PCDH17: variants seen among roughly 807,000 people sequenced by gnomAD.
The protein encoded by PCDH17 is protocadherin-17.
PCDH17 carries 21 observed loss-of-function variants against 67.7 expected under a neutral mutation model. That is an observed-to-expected ratio of 0.31 (90% CI 0.22 to 0.45). PCDH17 has a LOEUF of 0.45. PCDH17 is among the 20% of genes least tolerant of loss of function. The probability of loss-of-function intolerance (pLI) is 1.00; values close to 1 mark genes in which losing one functional copy is unlikely to be tolerated. For missense variants in PCDH17, 1,471 were observed against 1,564.8 expected (o/e 0.94, Z 1.01); for synonymous variants, 701 against 656.7 (o/e 1.07, Z -1.03).
chr13:57,641,578 AAAAAAAAAAATATATATATATATAT>A (rs1954900462), intron 1 of PCDH17, among the ~76,000 whole-genome samples: 1 of 84,842 alleles, frequency 1.2e-5, no homozygotes, highest in African/African-American at 5.0e-5. Context: ...AAAAAAAAAA[AAAAAAAAAAATATATATATATATAT>A]ATATATATAT....
rs993700278 is a variant in PCDH17 at position 57,725,550 on chromosome 13, A to G, written c.*256A>G. 5 of 388,224 alleles carry G rather than the reference A, an allele frequency of 1.3e-5. No individual in the cohort carries two copies. The highest frequency in any genetic ancestry group is 8.3e-5 in the Admixed American group (2 of 23,964). 24.0% of individuals were successfully genotyped at this position (388,224 alleles called of 1,614,324 possible). On this transcript the variant is annotated 3_prime_UTR_variant, in exon 4 of 4. Coordinates refer to ENST00000377918, the MANE Select transcript of PCDH17 (RefSeq NM_001040429.3). Reference sequence around the variant, plus strand: ...ATGCTTAAAGAGAAAAGAAAAAAAGAGAGAAGAAAAAGGAGAGATGAAAAA... The same window carrying G: ...ATGCTTAAAGAGAAAAGAAAAAAAGGGAGAAGAAAAAGGAGAGATGAAAAA...
chr13:57,676,032 A>T (rs1242219609), intron 3 of PCDH17, among the ~76,000 whole-genome samples: 1 of 151,928 alleles, frequency 6.6e-6, no homozygotes, highest in Non-Finnish European at 1.5e-5. Context: ...AGTTTTTGGG[A>T]TAAGAAATTC....
chr13:57,663,569 A>T (rs1039811461), intron 1 of PCDH17, among the ~76,000 whole-genome samples: 6 of 152,108 alleles, frequency 3.9e-5, no homozygotes, highest in African/African-American at 1.4e-4. Flanking sequence ...AGACCCTTGG[A>T]GTCTAGATAA....
At chr13:57,711,726 A>C (rs2138090111) in intron 3 of PCDH17, among the ~76,000 whole-genome samples, 1 of 151,698 alleles carries the variant, frequency 6.6e-6, no homozygotes, top group East Asian at 1.9e-4. Context: ...TGATTATTAT[A>C]AAATTACTAT....
intron 3 of PCDH17, among the ~76,000 whole-genome samples, chr13:57,718,190 A>AT (rs1040956017): frequency 4.6e-5 from 7 of 152,084 alleles, no homozygotes; most frequent in Admixed American, 3.9e-4. Context: ...TCCGATTAAC[A>AT]TTTTTTCTTA....
chr13:57,651,629 T>C (rs1003255025), intron 1 of PCDH17, among the ~76,000 whole-genome samples: 1 of 152,058 alleles, frequency 6.6e-6, no homozygotes, highest in Non-Finnish European at 1.5e-5. Context: ...TGAACCACAA[T>C]GCCTGGGATT....
At chr13:57,654,594 T>G (rs556009104) in intron 1 of PCDH17, among the ~76,000 whole-genome samples, 1 of 152,060 alleles carries the variant, frequency 6.6e-6, no homozygotes, top group Non-Finnish European at 1.5e-5. Flanking sequence ...GAAATTAAAA[T>G]CTTTAAGCAA....
In PCDH17 at chr13:57,631,959, C is replaced by G. The variant is rs1954728589; in HGVS notation, c.-588C>G. ...GGGAAGCTTCAAAATATATCTGTGA[C>G]TCTGTCTTCGTTGCTCTTCATCCCC... On this transcript the variant is annotated 5_prime_UTR_variant, in exon 1 of 4. Transcript: ENST00000377918. The G allele has an allele frequency of 6.5e-6, 1 of 153,984 alleles. No individual in the cohort carries two copies. The highest frequency in any genetic ancestry group is 1.4e-5 in the Non-Finnish European group (1 of 69,530). 9.5% of individuals were successfully genotyped at this position (153,984 alleles called of 1,614,324 possible).
At chr13:57,668,053 T>C (rs903591348) in intron 3 of PCDH17, among the ~76,000 whole-genome samples, 1 of 151,762 alleles carries the variant, frequency 6.6e-6, no homozygotes, top group Non-Finnish European at 1.5e-5. Context: ...TCTTTTACCA[T>C]AGCAACTTTC....
chr13:57,702,495 A>G (rs966670413), intron 3 of PCDH17, among the ~76,000 whole-genome samples: 3 of 152,132 alleles, frequency 2.0e-5, no homozygotes, highest in Admixed American at 1.3e-4. Context: ...TAGAACACCT[A>G]CAGTAAAACT....
chr13:57,633,273 T>C lies in PCDH17; in HGVS notation c.727T>C (p.Phe243Leu). 3 of 1,613,288 alleles carry C rather than the reference T, an allele frequency of 1.9e-6. No homozygotes were observed. The highest frequency in any genetic ancestry group is 2.5e-6 in the Non-Finnish European group (3 of 1,180,020). Residue 243 changes from phenylalanine to leucine, a missense_variant, in exon 1 of 4, where the codon TTC becomes CTC. Transcript: ENST00000377918. This position sits in a 1 kb window ranked among gnomAD's most constrained non-coding sequence, Gnocchi z 6.2. The part of the protein sequence containing the change: ...VIDSNDNSPV[F>L]EAPSYLVELP... ...TGACTCCAACGACAACAGCCCGGTC[T>C]TCGAGGCGCCATCCTACTTGGTGGA...
intron 3 of PCDH17, among the ~76,000 whole-genome samples, chr13:57,690,952 T>G (rs1250906444): frequency 6.6e-6 from 1 of 151,458 alleles, no homozygotes; most frequent in Non-Finnish European, 1.5e-5. Context: ...AAATGCAGTA[T>G]CAACATTTTG....
chr13:57,634,915 C>G lies in PCDH17; in HGVS notation c.2369C>G (p.Ser790Cys). The change falls in exon 1 of 4, where the codon TCC becomes TGC. Residue 790 changes from serine to cysteine, a missense_variant. Physicochemically the swap from Ser to Cys is moderately radical, Grantham distance 112. Around this residue, in one of 3 missense-constraint regions of PCDH17, gnomAD observed 1,163 missense variants for 1,230.0 expected, o/e 0.95. Transcript: ENST00000377918. The surrounding 1 kb of genome is among the most constrained non-coding windows in gnomAD (Gnocchi z 7.8). ...MNVMNVVSSP[S>C]LATSPMYFDY... ...GTCATGAACGTGGTGAGCAGCCCCT[C>G]CCTGGCCACCTCCCCCATGTACTTC... is the stretch of plus-strand genomic sequence containing the variant. 1 of 1,613,906 alleles carries G rather than the reference C, an allele frequency of 6.2e-7. No homozygotes were observed. Among genetic ancestry groups the G allele is most frequent in the Non-Finnish European group, 8.5e-7 (1 of 1,179,972 alleles).
intron 3 of PCDH17, among the ~76,000 whole-genome samples, chr13:57,724,397 T>A (rs1205083715): frequency 6.6e-6 from 1 of 152,214 alleles, no homozygotes; most frequent in East Asian, 1.9e-4. Context: ...GCTGTGGGAA[T>A]TCATTAATCT....
chr13:57,709,758 C>A (rs1277338701), intron 3 of PCDH17: 1 of 152,194 alleles, frequency 6.6e-6, no homozygotes, highest in Admixed American at 6.6e-5. Flanking sequence ...TCCAGGTGAG[C>A]AATTTCTTCA....
chr13:57,668,009 G>A (rs1440597954), intron 3 of PCDH17, among the ~76,000 whole-genome samples: 9 of 151,286 alleles, frequency 5.9e-5, no homozygotes, highest in Non-Finnish European at 1.2e-4. Context: ...TGTTTTCTAA[G>A]TAGTAATTGC....
intron 1 of PCDH17, among the ~76,000 whole-genome samples, chr13:57,658,493 G>C (rs1436650202): frequency 6.6e-6 from 1 of 152,088 alleles, no homozygotes; most frequent in Non-Finnish European, 1.5e-5. Flanking sequence ...ACTCATCCCT[G>C]AGTCTGTTTT....
At chr13:57,688,174 G>T (rs1249666599) in intron 3 of PCDH17, among the ~76,000 whole-genome samples, 1 of 151,712 alleles carries the variant, frequency 6.6e-6, no homozygotes, top group Admixed American at 6.6e-5. Context: ...GGGCATGGTG[G>T]TGCACACCTG....
intron 3 of PCDH17, among the ~76,000 whole-genome samples, chr13:57,690,897 A>C (rs547241559): frequency 4.0e-5 from 6 of 151,530 alleles, no homozygotes; most frequent in Non-Finnish European, 7.4e-5. Context: ...TTCATTTGAC[A>C]GTGTAACTGT....
Sources: gnomAD v4.1 joint callset for allele counts (sites outside exome capture counted in the v4.1 genomes callset) on GRCh38, gnomAD v4.1.1 for gene constraint, gnomAD v4.1.1 regional missense constraint, Gnocchi (gnomAD v3.1) non-coding constraint, MANE v1.5 for transcripts, NCBI Gene and HGNC (gene_info 2026-07-23, HGNC 2026-07-21) for gene names.